Variants in C8orf34 observed in about 807,000 individuals in gnomAD.
C8orf34 encodes the protein uncharacterized protein C8orf34.
In C8orf34, 65 loss-of-function variants were observed where a neutral mutation model predicts 68.3. That is an observed-to-expected ratio of 0.95 (90% CI 0.78 to 1.17). The LOEUF (loss-of-function observed/expected upper bound fraction) is 1.17. Ranked by LOEUF, C8orf34 falls within the 50% of genes most tolerant of loss-of-function variation. The pLI is 0.00. For missense variants in C8orf34, 664 were observed against 655.4 expected, an observed-to-expected ratio of 1.01 and a Z score of -0.14; for synonymous variants, 244 against 241.2, an observed-to-expected ratio of 1.01 and a Z score of -0.11.
chr8:68,331,913 G>A (rs1298033367), intron 1 of C8orf34, among the ~76,000 whole-genome samples: 1 of 147,306 alleles, frequency 6.8e-6, no homozygotes, highest in East Asian at 2.0e-4. Flanking sequence ...GGCTTCAGTC[G>A]GTGCGGGCGT....
At chr8:68,736,668 CAAG>C (rs1822130818) in intron 10 of C8orf34, among the ~76,000 whole-genome samples, 1 of 151,970 alleles carries the variant, frequency 6.6e-6, no homozygotes, top group Non-Finnish European at 1.5e-5. Flanking sequence ...AGCCCAGTGT[CAAG>C]AAGAAGAGAT....
intron 10 of C8orf34, among the ~76,000 whole-genome samples, chr8:68,740,364 T>C (rs542517310): frequency 6.6e-6 from 1 of 152,290 alleles, no homozygotes; most frequent in African/African-American, 2.4e-5. Context: ...GACAAAGGTC[T>C]AATATTCAGC....
intron 8 of C8orf34, among the ~76,000 whole-genome samples, chr8:68,641,918 G>A (rs1819022614): frequency 6.6e-6 from 1 of 152,162 alleles, no homozygotes; most frequent in Admixed American, 6.5e-5. Flanking sequence ...TTGGTGGCAT[G>A]TATTACTTTC....
chr8:68,642,255 AAAGTT>A (rs1489732970), intron 8 of C8orf34, among the ~76,000 whole-genome samples: 1 of 152,224 alleles, frequency 6.6e-6, no homozygotes, highest in Middle Eastern at 3.2e-3. Flanking sequence ...TGAAATGATG[AAAGTT>A]CATGACTGTT....
chr8:68,492,542 C>G (rs1813359943), intron 5 of C8orf34, among the ~76,000 whole-genome samples: 1 of 152,114 alleles, frequency 6.6e-6, no homozygotes, highest in African/African-American at 2.4e-5. Context: ...ATTTCTAAGA[C>G]TAGAATTAAC....
intron 7 of C8orf34, chr8:68,625,461 G>T (rs936495510): frequency 5.0e-5 from 28 of 563,506 alleles, no homozygotes; most frequent in African/African-American, 4.7e-4. Flanking sequence ...AACTCTCCAA[G>T]AAAATGAAAC....
chr8:68,525,945 T>A (rs938225114), intron 6 of C8orf34: 3 of 237,692 alleles, frequency 1.3e-5, no homozygotes, highest in Admixed American at 1.3e-4. Context: ...AAGAGACAAA[T>A]TTCTTTCTTT....
chr8:68,362,528 T>C (rs1807048479), intron 1 of C8orf34, among the ~76,000 whole-genome samples: 1 of 152,154 alleles, frequency 6.6e-6, no homozygotes, highest in African/African-American at 2.4e-5. Context: ...AGAGCAGTGG[T>C]TCTCCCAGCA....
At chr8:68,713,587 C>T (rs1821386734) in intron 9 of C8orf34, among the ~76,000 whole-genome samples, 2 of 151,920 alleles carry the variant, frequency 1.3e-5, no homozygotes, top group South Asian at 2.1e-4. Context: ...AATATACAAC[C>T]CTCCTAGATT....
intron 1 of C8orf34, among the ~76,000 whole-genome samples, chr8:68,427,614 C>G (rs1810283905): frequency 2.0e-5 from 3 of 152,010 alleles, no homozygotes; most frequent in Admixed American, 6.6e-5. Context: ...AATTAATCAT[C>G]TTGACTGTGG....
At chr8:68,553,020 A>G (rs1816126310) in intron 7 of C8orf34, among the ~76,000 whole-genome samples, 1 of 151,784 alleles carries the variant, frequency 6.6e-6, no homozygotes, top group Admixed American at 6.6e-5. Context: ...GTTTTGTTTT[A>G]TTTTATTTTA....
intron 12 of C8orf34, among the ~76,000 whole-genome samples, chr8:68,811,175 G>A (rs566354289): frequency 6.6e-6 from 1 of 152,334 alleles, no homozygotes; most frequent in Non-Finnish European, 1.5e-5. Flanking sequence ...AAAATCTGGA[G>A]GGGGCTGAGG....
At chr8:68,767,556 C>T (rs1823216111) in intron 10 of C8orf34, among the ~76,000 whole-genome samples, 1 of 152,190 alleles carries the variant, frequency 6.6e-6, no homozygotes, top group African/African-American at 2.4e-5. Context: ...CATGCTCCTT[C>T]AGTTCTCTAT....
intron 6 of C8orf34, among the ~76,000 whole-genome samples, chr8:68,522,470 A>T: frequency 6.6e-6 from 1 of 152,312 alleles, no homozygotes; most frequent in South Asian, 2.1e-4. Context: ...GATTGAATAT[A>T]TTTATTAACA....
intron 4 of C8orf34, among the ~76,000 whole-genome samples, chr8:68,478,144 TAGTC>T (rs1225633972): frequency 6.6e-6 from 1 of 152,214 alleles, no homozygotes; most frequent in Non-Finnish European, 1.5e-5. Flanking sequence ...TTCTACCACA[TAGTC>T]AGCCTGCAAA....
intron 7 of C8orf34, among the ~76,000 whole-genome samples, chr8:68,601,237 G>T (rs1586432457): frequency 6.6e-6 from 1 of 151,842 alleles, no homozygotes; most frequent in East Asian, 1.9e-4. Flanking sequence ...TGGATTTCTT[G>T]GGGTTTACAC....
At chr8:68,513,032 A>G (rs1426330666) in intron 5 of C8orf34, among the ~76,000 whole-genome samples, 1 of 152,204 alleles carries the variant, frequency 6.6e-6, no homozygotes, top group Non-Finnish European at 1.5e-5. Flanking sequence ...CGGCACATCA[A>G]ATAGTTTCAA....
chr8:68,681,161 A>T (rs934343443), intron 8 of C8orf34, among the ~76,000 whole-genome samples: 1 of 152,096 alleles, frequency 6.6e-6, no homozygotes, highest in Non-Finnish European at 1.5e-5. Flanking sequence ...AGGTGCAATG[A>T]TTTCATATTG....
rs377539062 is a variant in C8orf34 at position 68,689,109 on chromosome 8, T to C, written c.1242-19885T>C. Among the ~76,000 whole-genome samples, 220 of 152,214 alleles carry C rather than the reference T, an allele frequency of 1.4e-3. 1 individual carries two copies. Among genetic ancestry groups the C allele is most frequent in the African/African-American group, 5.1e-3 (214 of 41,564 alleles). ...TCTTTTGCAGCCACTCAGATGGAGC[T>C]GGAGGTCATTGTTCTAAGTGAAATA... is the stretch of plus-strand genomic sequence containing the variant. On this transcript the variant is annotated intron_variant, in intron 8 of 13. Transcript: ENST00000518698.
Sources: allele counts gnomAD v4.1 joint callset (sites outside exome capture counted in the v4.1 genomes callset), GRCh38; gene constraint gnomAD v4.1.1; transcripts MANE v1.5; gene names NCBI Gene and HGNC (gene_info 2026-07-23, HGNC 2026-07-21).